SOX5: variants seen among roughly 807,000 people sequenced by gnomAD.
SOX5 encodes the protein SRY-box transcription factor 5.
In SOX5, 9 loss-of-function variants were observed where a neutral mutation model predicts 92.0. The observed-to-expected ratio is 0.10, with a 90% CI of 0.06 to 0.17. The LOEUF (loss-of-function observed/expected upper bound fraction) is 0.17, where lower values mean the gene tolerates loss of function less well. Ranked by LOEUF, SOX5 falls within the 10% of genes least tolerant of loss-of-function variation. The pLI, the probability that SOX5 is intolerant of heterozygous loss-of-function variation, is 1.00. For missense variants in SOX5, 642 were observed against 944.5 expected (o/e 0.68, Z 4.20); for synonymous variants, 344 against 336.3 (o/e 1.02, Z -0.25).
chr12:24,527,455 T>C (rs1353381508), intron 1 of SOX5, among the ~76,000 whole-genome samples: 1 of 152,240 alleles, frequency 6.6e-6, no homozygotes, highest in Non-Finnish European at 1.5e-5. Context: ...TGCCAGTTTA[T>C]CTACAATGAC....
intron 6 of SOX5, among the ~76,000 whole-genome samples, chr12:23,700,187 A>G (rs913272236): frequency 8.5e-5 from 13 of 152,102 alleles, no homozygotes; most frequent in African/African-American, 3.1e-4. Flanking sequence ...AGTGGAATTT[A>G]TATCTCTAAC....
chr12:24,161,858 T>C (rs1039690911), intron 4 of SOX5, among the ~76,000 whole-genome samples: 2 of 152,208 alleles, frequency 1.3e-5, no homozygotes, highest in Admixed American at 6.6e-5. Flanking sequence ...CCAAAGTGTG[T>C]ACATACACTT....
intron 4 of SOX5, among the ~76,000 whole-genome samples, chr12:24,196,512 A>AG (rs1442195789): frequency 2.0e-5 from 3 of 152,298 alleles, no homozygotes; most frequent in African/African-American, 4.8e-5. Context: ...AACTTTTTTA[A>AG]GGGGGGGTCA....
At chr12:23,897,810 G>T (rs1370366812) in intron 1 of SOX5, among the ~76,000 whole-genome samples, 1 of 152,120 alleles carries the variant, frequency 6.6e-6, no homozygotes, top group Non-Finnish European at 1.5e-5. Flanking sequence ...GTGTTGATCA[G>T]CCAAAGAAAC....
intron 3 of SOX5, among the ~76,000 whole-genome samples, chr12:24,233,381 T>C (rs1022396517): frequency 1.3e-5 from 2 of 152,066 alleles, no homozygotes; most frequent in Non-Finnish European, 2.9e-5. Context: ...AAGAAAAATT[T>C]ACAAGCAAAA....
chr12:24,527,968 C>T (rs977441477), intron 1 of SOX5, among the ~76,000 whole-genome samples: 25 of 152,208 alleles, frequency 1.6e-4, no homozygotes, highest in Admixed American at 5.9e-4. Flanking sequence ...AGACACATCA[C>T]TTACTTGATT....
intron 4 of SOX5, among the ~76,000 whole-genome samples, chr12:24,171,878 G>C (rs1445964768): frequency 6.6e-6 from 1 of 152,072 alleles, no homozygotes; most frequent in African/African-American, 2.4e-5. Context: ...CACTCTGATT[G>C]AGGGGGAAAG....
chr12:23,955,738 CTTTT>C (rs1335336838), upstream of SOX5, among the ~76,000 whole-genome samples: 2 of 150,502 alleles, frequency 1.3e-5, no homozygotes, highest in Non-Finnish European at 2.9e-5. Context: ...CGGAAGGTTT[CTTTT>C]GAGTAAAAAA....
intron 1 of SOX5, among the ~76,000 whole-genome samples, chr12:23,933,781 T>G (rs1941955538): frequency 6.6e-6 from 1 of 151,602 alleles, no homozygotes; most frequent in South Asian, 2.1e-4. Context: ...TTGCTTTGTC[T>G]CTGTATACTC....
At chr12:23,893,899 G>T (rs1015974017) in intron 2 of SOX5, among the ~76,000 whole-genome samples, 2 of 152,190 alleles carry the variant, frequency 1.3e-5, no homozygotes, top group East Asian at 3.9e-4. Flanking sequence ...AGGGAGGAAT[G>T]ATGTGCAGTA....
At chr12:24,506,785 T>A (rs996179733) in intron 1 of SOX5, among the ~76,000 whole-genome samples, 1 of 40,222 alleles carries the variant, frequency 2.5e-5, no homozygotes, top group African/African-American at 1.4e-4. Flanking sequence ...CCAAATGGTC[T>A]TTTTTTTTTT....
chr12:24,159,749 T>A (rs978657449), intron 4 of SOX5, among the ~76,000 whole-genome samples: 3 of 151,984 alleles, frequency 2.0e-5, no homozygotes, highest in Non-Finnish European at 4.4e-5. Context: ...CACAACTCAT[T>A]CAACACTCAA....
At chr12:23,800,820 A>T (rs539713674) in intron 3 of SOX5, among the ~76,000 whole-genome samples, 9 of 152,256 alleles carry the variant, frequency 5.9e-5, no homozygotes, top group Admixed American at 1.3e-4. Context: ...AACACCATAT[A>T]TATAGCCTTT....
At chr12:23,759,174 CAT>C (rs1193056000) in intron 3 of SOX5, among the ~76,000 whole-genome samples, 1 of 151,904 alleles carries the variant, frequency 6.6e-6, no homozygotes, top group African/African-American at 2.4e-5. Context: ...TAGGGTAACA[CAT>C]ATGTATGAGC....
intron 4 of SOX5, among the ~76,000 whole-genome samples, chr12:24,212,077 C>T (rs11834057): frequency 8.5e-5 from 13 of 152,208 alleles, no homozygotes; most frequent in African/African-American, 2.9e-4. Context: ...TGCAGACACA[C>T]TTACTTTGGC....
rs557336821 is a variant in SOX5 at position 24,216,471 on chromosome 12, G to A, written c.-76-3054C>T. On this transcript the variant is annotated intron_variant, in intron 3 of 4. Transcript: ENST00000446891. ...CGCACTACAGCCTGGGTGACAGAGC[G>A]CGACTCCGCCTCGGAAAAAAAAAAT... Among the ~76,000 whole-genome samples, 6 of 151,924 alleles carry A rather than the reference G, an allele frequency of 3.9e-5. No individual in the cohort carries two copies. The East Asian group carries it at 9.7e-4, about 25-fold the overall frequency.
At chr12:24,322,949 C>T (rs1950343514) in intron 2 of SOX5, among the ~76,000 whole-genome samples, 1 of 152,150 alleles carries the variant, frequency 6.6e-6, no homozygotes, top group African/African-American at 2.4e-5. Context: ...CAAACACAAA[C>T]TATGTGTTAC....
At chr12:23,806,282 A>C (rs1396115250) in intron 3 of SOX5, among the ~76,000 whole-genome samples, 2 of 152,190 alleles carry the variant, frequency 1.3e-5, no homozygotes, top group Non-Finnish European at 2.9e-5. Flanking sequence ...TGCCATGAGA[A>C]AGCATTAGGA....
chr12:23,810,632 G>A (rs1347876247), intron 3 of SOX5, among the ~76,000 whole-genome samples: 2 of 152,188 alleles, frequency 1.3e-5, no homozygotes, highest in Non-Finnish European at 2.9e-5. Context: ...TAGAAGGACA[G>A]AGGGGCTTCA....
Sources: allele counts gnomAD v4.1 joint callset (sites outside exome capture counted in the v4.1 genomes callset), GRCh38; gene constraint gnomAD v4.1.1; transcripts MANE v1.5; gene names NCBI Gene and HGNC (gene_info 2026-07-23, HGNC 2026-07-21).